Variants in LCN12 observed in about 807,000 individuals in gnomAD.
LCN12 encodes the protein epididymal-specific lipocalin-12.
A neutral mutation model predicts 23.7 loss-of-function variants in LCN12; 15 were observed. The observed-to-expected ratio is 0.63, with a 90% confidence interval of 0.42 to 0.97. The LOEUF is 0.97. LCN12 is among the 50% of genes least tolerant of loss of function. The pLI is 0.00. For missense variants in LCN12, 219 were observed against 249.6 expected (o/e 0.88, Z 0.83); for synonymous variants, 116 against 111.5 (o/e 1.04, Z -0.25).
intron 1 of LCN12, 81 bp from the exon 2 acceptor site, chr9:136,952,811 A>C: frequency 7.0e-7 from 1 of 1,437,114 alleles, no homozygotes; most frequent in Non-Finnish European, 9.3e-7. Context: ...AGAAGCTGCC[A>C]GGGAGGGCGG....
chr9:136,955,360 T>C lies in LCN12; in HGVS notation c.551-11T>C, dbSNP rs1235010051. 3 of 1,611,686 alleles carry C rather than the reference T, an allele frequency of 1.9e-6. No homozygotes were observed. The highest frequency in any genetic ancestry group is 2.7e-5 in the African/African-American group (2 of 74,668). On this transcript the variant is annotated splice_polypyrimidine_tract_variant and intron_variant, in intron 5 of 5. Transcript: ENST00000371633. Reference sequence around the variant, plus strand: ...CTTTGTCCTCCATCCCGACTCCATCTCCCCCACCAGGCTGGTCACCCCAGG... The same window carrying C: ...CTTTGTCCTCCATCCCGACTCCATCCCCCCCACCAGGCTGGTCACCCCAGG...
At chr9:136,955,309 C>A in intron 5 of LCN12, 62 bp from the exon 6 acceptor site, 2 of 1,584,746 alleles carry the variant, frequency 1.3e-6, no homozygotes, top group Non-Finnish European at 1.7e-6. Context: ...CCCTTGCTTC[C>A]TCCTGGGCTC....
chr9:136,953,249 G>A (rs528812302), intron 2 of LCN12, among the ~76,000 whole-genome samples: 7 of 151,858 alleles, frequency 4.6e-5, no homozygotes, highest in African/African-American at 1.7e-4. Flanking sequence ...GGCCGGGTGC[G>A]CTGGCTCACA....
chr9:136,954,081 T>C, intron 4 of LCN12, 73 bp from the exon 5 acceptor site: 1 of 1,519,892 alleles, frequency 6.6e-7, no homozygotes, highest in South Asian at 1.3e-5. Context: ...TACAGATAGT[T>C]CAATCTCCCA....
intron 2 of LCN12, 145 bp downstream of exon 2, chr9:136,953,173 G>C: frequency 8.7e-7 from 1 of 1,151,366 alleles, no homozygotes; most frequent in East Asian, 2.5e-5. Flanking sequence ...ACCCAGCTGG[G>C]GAGTATACAA....
chr9:136,956,055 C>T (rs889708059), downstream of LCN12, among the ~76,000 whole-genome samples: 2 of 152,172 alleles, frequency 1.3e-5, no homozygotes, highest in Non-Finnish European at 2.9e-5. Context: ...CACCCACTCC[C>T]AGCCTGAGCC....
At chr9:136,953,123 C>T in intron 2 of LCN12, 95 bp downstream of exon 2, 1 of 1,497,684 alleles carries the variant, frequency 6.7e-7, no homozygotes, top group Admixed American at 1.8e-5. Flanking sequence ...GGCCCTGTCC[C>T]AGCACAGGCA....
intron 1 of LCN12, 200 bp from the exon 2 acceptor site, chr9:136,952,692 C>A: frequency 1.5e-6 from 1 of 658,426 alleles, no homozygotes; most frequent in South Asian, 1.9e-5. Flanking sequence ...GAAGGCCGCA[C>A]AGCCACTGGC....
upstream of LCN12, among the ~76,000 whole-genome samples, chr9:136,949,873 T>C (rs11145940): frequency 0.95 from 144,433 of 152,278 alleles, 68,494 homozygotes; most frequent in East Asian, 1. Flanking sequence ...CAAGGACGCC[T>C]TGCAGAAGGC....
downstream of LCN12, among the ~76,000 whole-genome samples, chr9:136,955,712 G>A (rs1047142846): frequency 2.6e-5 from 4 of 152,214 alleles, no homozygotes; most frequent in Admixed American, 6.5e-5. Flanking sequence ...GTACAAGGTC[G>A]TTCCCAGGCC....
intron 3 of LCN12, 25 bp from the exon 4 acceptor site, chr9:136,953,823 G>C: frequency 6.3e-7 from 1 of 1,597,472 alleles, no homozygotes; most frequent in Non-Finnish European, 8.5e-7. Context: ...TGGCCCACAG[G>C]GATGTGACGT....
intron 5 of LCN12, chr9:136,954,566 C>T: frequency 6.3e-6 from 3 of 472,548 alleles, no homozygotes; most frequent in Non-Finnish European, 1.2e-5. Context: ...GTCCCCTGTC[C>T]CGGCCCACCT....
Position 136,954,244 on chromosome 9 carries a change from C to A in LCN12, c.539C>A (p.Pro180Gln). 6.4e-7 allele frequency: 1 copy of A among 1,568,992 alleles called. No homozygotes were observed. Among genetic ancestry groups the A allele is most frequent in the East Asian group, 2.4e-5 (1 of 42,222 alleles). ...QGLSDDNIVF[P>Q]DVTGWSPQAS... ...CTCTCGGATGACAACATCGTCTTCC[C>A]AGATGTGACTGGTAACATGGTTCAC... The change falls in exon 5 of 6, where the codon CCA (proline) becomes CAA (glutamine). Residue 180 changes from proline (P) to glutamine (Q), a missense_variant. Physicochemically the swap from Pro to Gln is moderately conservative, Grantham distance 76. Transcript: ENST00000371633.
intron 5 of LCN12, chr9:136,954,893 C>G: frequency 8.1e-7 from 1 of 1,229,344 alleles, no homozygotes; most frequent in African/African-American, 1.6e-5. Context: ...CGCCTCTGGT[C>G]CTTTACATGT....
chr9:136,953,747 A>G lies in LCN12; in HGVS notation c.299A>G (p.Gln100Arg). 1.9e-6 allele frequency: 3 copies of G among 1,606,128 alleles called. No homozygotes were observed. Among genetic ancestry groups the G allele is most frequent in the Non-Finnish European group, 2.5e-6 (3 of 1,176,726 alleles). The stretch of plus-strand genomic sequence containing the variant: ...TCTTATGTGCTGATACCGGCAGCCC[A>G]GCCTGGGCAGTTCACTGTGGACCAC... ...TWSYVLIPAA[Q>R]PGQFTVDHGV... The change falls in exon 3 of 6, where the codon CAG (glutamine) becomes CGG (arginine). Residue 100 changes from glutamine (Q) to arginine (R), a missense_variant. By Grantham distance (43) the Gln-to-Arg change is conservative (BLOSUM62 1). Coordinates refer to ENST00000371633, the MANE Select transcript of LCN12 (RefSeq NM_178536.4).
At position 136,953,894 on chromosome 9, in the gene LCN12, C is replaced by T. The variant is rs1187750151; in HGVS notation, c.378C>T (p.Tyr126=). The change falls in exon 4 of 6, where the codon TAC becomes TAT. Residue 126 remains tyrosine (Y), a synonymous_variant. Transcript: ENST00000371633. ...REETRVVDSD[Y]TQFALMLSRR... is the part of the protein sequence containing the mutation. ...AGACCCGGGTGGTGGACAGCGACTA[C>T]ACCCAGTTCGCCCTGATGCTGTCCC... is the stretch of plus-strand genomic sequence containing the variant. The T allele has an allele frequency of 7.5e-6, 12 of 1,610,534 alleles. No individual in the cohort carries two copies. The highest frequency in any genetic ancestry group is 8.5e-6 in the Non-Finnish European group (10 of 1,179,114).
upstream of LCN12, among the ~76,000 whole-genome samples, chr9:136,951,092 C>A (rs1851141884): frequency 7.2e-6 from 1 of 138,694 alleles, no homozygotes; most frequent in South Asian, 2.3e-4. Flanking sequence ...CCCTTGGTGA[C>A]CCCTAACATG....
chr9:136,954,711 G>A (rs1564449028), intron 5 of LCN12: 2 of 1,291,280 alleles, frequency 1.5e-6, no homozygotes, highest in South Asian at 1.2e-5. Flanking sequence ...CAAGGAGCTT[G>A]GACTCATCCC....
chr9:136,954,953 G>A, intron 5 of LCN12: 1 of 1,271,354 alleles, frequency 7.9e-7, no homozygotes, highest in South Asian at 1.5e-5. Flanking sequence ...TGTACAGACT[G>A]GCACATGCCT....
Sources: allele counts gnomAD v4.1 joint callset (sites outside exome capture counted in the v4.1 genomes callset), GRCh38; gene constraint gnomAD v4.1.1; transcripts MANE v1.5; gene names NCBI Gene and HGNC (gene_info 2026-07-23, HGNC 2026-07-21).